FBXO9: variants seen among roughly 807,000 people sequenced by gnomAD.
FBXO9 encodes F-box protein 9, also known as F-box only protein 9.
Under a neutral mutation model 63.7 loss-of-function variants are expected in FBXO9, and 43 were observed. That is an observed-to-expected ratio of 0.67 (90% CI 0.53 to 0.87). The LOEUF (loss-of-function observed/expected upper bound fraction) is 0.87, where lower values mean the gene tolerates loss of function less well. Among genes scored for constraint, FBXO9 ranks in the 40% least tolerant of loss-of-function variants. The probability of loss-of-function intolerance (pLI) is 0.00; values close to 1 mark genes in which losing one functional copy is unlikely to be tolerated. For synonymous variants in FBXO9, 156 were observed against 171.7 expected, an observed-to-expected ratio of 0.91 and a Z score of 0.72; for missense variants, 442 against 533.2, an observed-to-expected ratio of 0.83 and a Z score of 1.68.
intron 6 of FBXO9, 75 bp downstream of exon 6, chr6:53,081,173 T>G: frequency 6.8e-7 from 1 of 1,461,146 alleles, no homozygotes; most frequent in Non-Finnish European, 9.3e-7. Flanking sequence ...TAAGGTCAGA[T>G]AATTTGCCAG....
chr6:53,076,800 A>T (rs200442396), intron 4 of FBXO9, among the ~76,000 whole-genome samples: 7 of 11,950 alleles, frequency 5.9e-4, no homozygotes, highest in South Asian at 0.011. Flanking sequence ...TTTTTTTTTT[A>T]AATTTGTATT....
At chr6:53,092,295 T>G in intron 7 of FBXO9, 134 bp from the exon 8 acceptor site, 1 of 642,950 alleles carries the variant, frequency 1.6e-6, no homozygotes, top group East Asian at 2.8e-5. Flanking sequence ...GCCTTGTCCA[T>G]TAGTTTCTCC....
At chr6:53,078,451 C>A (rs1769194773) in intron 4 of FBXO9, among the ~76,000 whole-genome samples, 1 of 152,048 alleles carries the variant, frequency 6.6e-6, no homozygotes, top group South Asian at 2.1e-4. Flanking sequence ...AGAGTGAGAC[C>A]TTGTCTTAAA....
At chr6:53,096,659 C>T (rs1395208517) in intron 12 of FBXO9, among the ~76,000 whole-genome samples, 2 of 151,966 alleles carry the variant, frequency 1.3e-5, no homozygotes, top group Non-Finnish European at 2.9e-5. Flanking sequence ...AATCCCAGGA[C>T]TTTGGGGGGC....
intron 11 of FBXO9, 82 bp downstream of exon 11, chr6:53,094,060 A>C (rs1332962673): frequency 2.7e-6 from 2 of 732,648 alleles, no homozygotes; most frequent in East Asian, 3.0e-5. Context: ...ACAACAACAA[A>C]AAAAACCCTT....
intron 7 of FBXO9, among the ~76,000 whole-genome samples, chr6:53,088,679 A>G (rs1404765746): frequency 6.6e-6 from 1 of 151,154 alleles, no homozygotes; most frequent in East Asian, 1.9e-4. Context: ...GCTAATTGCA[A>G]CCTCCGCCTT....
chr6:53,094,122 T>G (rs1457202570), intron 11 of FBXO9, 144 bp downstream of exon 11: 1 of 430,262 alleles, frequency 2.3e-6, no homozygotes, highest in Non-Finnish European at 4.1e-6. Context: ...TAGCAATCAC[T>G]GAAGAAAGCT....
In FBXO9 at chr6:53,100,414, G is replaced by C. The variant is rs1763318113; in HGVS notation, c.*2584G>C. 1 of 152,196 alleles carries C rather than the reference G, an allele frequency of 6.6e-6. No homozygotes were observed. The highest frequency in any genetic ancestry group is 1.5e-5 in the Non-Finnish European group (1 of 68,034). 9.4% of individuals were successfully genotyped at this position (152,196 alleles called of 1,614,324 possible). On this transcript the variant is annotated 3_prime_UTR_variant, in exon 13 of 13. Coordinates refer to ENST00000323557, the MANE Select transcript of FBXO9 (RefSeq NM_033480.3). ...TTACATTTCAGATCGTGCTGGAACTGTGTTCAGAAGATATCCTCAGAGGGA... is the reference window on the plus strand; with the variant it reads ...TTACATTTCAGATCGTGCTGGAACTCTGTTCAGAAGATATCCTCAGAGGGA...
Position 53,071,107 on chromosome 6 carries a change from TGAA to T in FBXO9, c.58_60del (p.Glu20del), listed in dbSNP as rs1412519911. ...CTGATACTGTCAGAGCAGATGATGA[TGAA>T]GAAAATGAAAGTCCTGCTGAAACAG... On this transcript the variant is annotated inframe_deletion, in exon 2 of 13. Transcript: ENST00000323557. The T allele has an allele frequency of 3.8e-6, 6 of 1,570,366 alleles. No homozygotes were observed. The highest frequency in any genetic ancestry group is 5.2e-6 in the Non-Finnish European group (6 of 1,155,618).
chr6:53,080,096 C>A (rs1472728173), intron 5 of FBXO9, among the ~76,000 whole-genome samples: 4 of 149,654 alleles, frequency 2.7e-5, no homozygotes, highest in Non-Finnish European at 3.0e-5. Flanking sequence ...AGAGGCATTT[C>A]TTTTCTTTCC....
At chr6:53,082,936 T>C (rs749463871) in intron 7 of FBXO9, among the ~76,000 whole-genome samples, 4 of 152,256 alleles carry the variant, frequency 2.6e-5, no homozygotes, top group Non-Finnish European at 5.9e-5. Flanking sequence ...ATTTTTACAC[T>C]AACTGTAAAC....
In FBXO9 at chr6:53,096,182, T is replaced by C. The variant is rs555395568; in HGVS notation, c.1205+518T>C. ...TTCCTATTTAAAACTCTTTGTTCTATGCAGTAGCATTTACCTGTACATCAT... is the reference window on the plus strand; with the variant it reads ...TTCCTATTTAAAACTCTTTGTTCTACGCAGTAGCATTTACCTGTACATCAT... On this transcript the variant is annotated intron_variant, in intron 12 of 12. Coordinates refer to ENST00000323557, the MANE Select transcript of FBXO9 (RefSeq NM_033480.3). 4.6e-5 allele frequency among the ~76,000 whole-genome samples: 7 copies of C among 152,362 alleles called. No individual in the cohort carries two copies. In the East Asian group the frequency reaches 1.3e-3, roughly 29 times the overall value.
At chr6:53,070,556 A>T (rs112727014) in intron 1 of FBXO9, among the ~76,000 whole-genome samples, 90 of 152,314 alleles carry the variant, frequency 5.9e-4, no homozygotes, top group African/African-American at 2.1e-3. Flanking sequence ...ATAAAAAATA[A>T]TACAAATTAG....
chr6:53,085,378 A>T (rs1050785754), intron 7 of FBXO9, among the ~76,000 whole-genome samples: 1 of 152,154 alleles, frequency 6.6e-6, no homozygotes, highest in Middle Eastern at 3.2e-3. Context: ...ACTGTAGCTG[A>T]TTGCAAATGT....
chr6:53,080,563 GGTAA>G (rs991913545), intron 5 of FBXO9, among the ~76,000 whole-genome samples: 10 of 151,976 alleles, frequency 6.6e-5, no homozygotes, highest in African/African-American at 2.4e-4. Flanking sequence ...GAAAACCCTT[GGTAA>G]GTAAGTACCT....
chr6:53,072,384 A>G (rs543700347), intron 2 of FBXO9, among the ~76,000 whole-genome samples: 9 of 152,284 alleles, frequency 5.9e-5, no homozygotes, highest in African/African-American at 9.6e-5. Flanking sequence ...ACACCTATGG[A>G]AGGGAGAGAG....
chr6:53,077,143 T>C (rs898094296), intron 4 of FBXO9, among the ~76,000 whole-genome samples: 4 of 152,130 alleles, frequency 2.6e-5, no homozygotes, highest in Non-Finnish European at 5.9e-5. Context: ...AATACATGTT[T>C]TTCTTTCTAA....
At chr6:53,073,417 A>G (rs1768984038) in intron 2 of FBXO9, 64 bp from the exon 3 acceptor site, 1 of 1,385,254 alleles carries the variant, frequency 7.2e-7, no homozygotes, top group African/African-American at 1.4e-5. Flanking sequence ...GGACATATTG[A>G]TACATTGTTC....
chr6:53,082,217 T>G (rs1053193368), intron 6 of FBXO9, among the ~76,000 whole-genome samples: 1 of 152,208 alleles, frequency 6.6e-6, no homozygotes, highest in African/African-American at 2.4e-5. Context: ...CATAGATTAT[T>G]TTCCTAAAAC....
Sources: gnomAD v4.1 joint callset for allele counts (sites outside exome capture counted in the v4.1 genomes callset) on GRCh38, gnomAD v4.1.1 for gene constraint, MANE v1.5 for transcripts, NCBI Gene and HGNC (gene_info 2026-07-23, HGNC 2026-07-21) for gene names.